Variants in NRXN3 observed in about 807,000 individuals in gnomAD.
NRXN3 encodes neurexin 3.
In NRXN3, 32 loss-of-function variants were observed where a neutral mutation model predicts 137.6. That is an observed-to-expected ratio of 0.23 (90% confidence interval 0.18 to 0.31). The LOEUF (loss-of-function observed/expected upper bound fraction) is 0.31, where lower values mean the gene tolerates loss of function less well. Ranked by LOEUF, NRXN3 falls within the 10% of genes least tolerant of loss-of-function variation. The pLI is 1.00. For synonymous variants in NRXN3, 798 were observed against 784.5 expected, an observed-to-expected ratio of 1.02 and a Z score of -0.29; for missense variants, 1,574 against 2,062.5, an observed-to-expected ratio of 0.76 and a Z score of 4.59.
intron 15 of NRXN3, among the ~76,000 whole-genome samples, chr14:79,292,005 A>G (rs1418717031): frequency 1.3e-5 from 2 of 152,124 alleles, no homozygotes; most frequent in African/African-American, 4.8e-5. Flanking sequence ...TATTGTTATC[A>G]TGAATTTACG....
intron 10 of NRXN3, among the ~76,000 whole-genome samples, chr14:78,879,567 G>C (rs895860519): frequency 6.6e-6 from 1 of 151,898 alleles, no homozygotes; most frequent in Non-Finnish European, 1.5e-5. Context: ...TTTTTAATTG[G>C]GTTATTTGTT....
At chr14:79,827,761 C>T (rs2099309703) in intron 20 of NRXN3, among the ~76,000 whole-genome samples, 1 of 148,922 alleles carries the variant, frequency 6.7e-6, no homozygotes, top group South Asian at 2.1e-4. Flanking sequence ...AAGTCGTGAT[C>T]TCGGCTCACT....
At position 79,829,030 on chromosome 14, in the gene NRXN3, A is replaced by G. The variant is rs140328088; in HGVS notation, c.4093+23840A>G. ...AACACATTCCTTCTTCCTCACCATC[A>G]CCCTCACCATTATAATTATTATCAA... is the stretch of plus-strand genomic sequence containing the variant. On this transcript the variant is annotated intron_variant, in intron 20 of 20. Coordinates refer to ENST00000335750, the MANE Select transcript of NRXN3 (RefSeq NM_001330195.2). Among the ~76,000 whole-genome samples, 1,367 of 152,160 alleles carry G rather than the reference A, an allele frequency of 9.0e-3. 19 individuals carry two copies. Among genetic ancestry groups the G allele is most frequent in the African/African-American group, 0.031 (1,298 of 41,506 alleles).
At chr14:78,349,292 C>T (rs996576074) in intron 4 of NRXN3, among the ~76,000 whole-genome samples, 1 of 152,184 alleles carries the variant, frequency 6.6e-6, no homozygotes, top group African/African-American at 2.4e-5. Flanking sequence ...GCCAATGTTA[C>T]CCCTTTTTCT....
chr14:78,287,173 T>C (rs886508096), intron 3 of NRXN3, among the ~76,000 whole-genome samples: 2 of 152,224 alleles, frequency 1.3e-5, no homozygotes, highest in Non-Finnish European at 2.9e-5. Flanking sequence ...AAAGCTTCAC[T>C]CTTCACCATA....
intron 19 of NRXN3, 96 bp downstream of exon 19, chr14:79,698,033 A>G: frequency 1.8e-6 from 2 of 1,118,058 alleles, no homozygotes; most frequent in African/African-American, 1.6e-5. Flanking sequence ...AGTTTGAATT[A>G]CTATGTAAGA....
At chr14:79,597,759 A>G (rs1486517715) in intron 16 of NRXN3, among the ~76,000 whole-genome samples, 1 of 152,118 alleles carries the variant, frequency 6.6e-6, no homozygotes, top group Non-Finnish European at 1.5e-5. Context: ...CTTTCATGGA[A>G]CTTACGTAGC....
chr14:78,454,937 C>G (rs2094649162), intron 4 of NRXN3, among the ~76,000 whole-genome samples: 1 of 152,284 alleles, frequency 6.6e-6, no homozygotes, highest in African/African-American at 2.4e-5. Context: ...TTGGATTCTG[C>G]CATAGGCTTG....
intron 16 of NRXN3, among the ~76,000 whole-genome samples, chr14:79,624,813 G>GTT (rs202129385): frequency 1.5e-5 from 2 of 136,178 alleles, no homozygotes; most frequent in Non-Finnish European, 3.1e-5. Flanking sequence ...GTTTGTTTTT[G>GTT]TTTTTTTTTA....
At position 79,139,908 on chromosome 14, in the gene NRXN3, CAT is replaced by C. The variant is rs34927047; in HGVS notation, c.3262+151784_3262+151785del. 1.6e-3 allele frequency among the ~76,000 whole-genome samples: 236 copies of C among 143,404 alleles called. 2 individuals carry two copies. Among genetic ancestry groups the C allele is most frequent in the East Asian group, 0.015 (77 of 4,972 alleles). The allele number at this position is 143,404 out of a possible 152,430, so 94.1% of individuals were successfully genotyped here. A position where few individuals can be genotyped will look rare whatever the true frequency, so the allele number is the denominator to read the frequency against. On this transcript the variant is annotated intron_variant, in intron 15 of 20. Transcript: ENST00000335750. ...ATATGGCTTATACAAATGGCATATG[CAT>C]ATATATATATATATATCATATACAT...
chr14:79,744,204 G>T (rs936498054), intron 19 of NRXN3, among the ~76,000 whole-genome samples: 2 of 152,162 alleles, frequency 1.3e-5, no homozygotes, highest in Non-Finnish European at 2.9e-5. Context: ...GCTTCAATAT[G>T]TCGTGAACAA....
At chr14:78,692,493 T>C (rs1001950971) in intron 6 of NRXN3, among the ~76,000 whole-genome samples, 17 of 152,328 alleles carry the variant, frequency 1.1e-4, no homozygotes, top group African/African-American at 3.6e-4. Context: ...ATTCCCTAGA[T>C]GGGGACTCTT....
chr14:79,480,318 G>T lies in NRXN3; in HGVS notation c.3444+12916G>T, dbSNP rs573265000. On this transcript the variant is annotated intron_variant, in intron 16 of 20. Coordinates refer to ENST00000335750, the MANE Select transcript of NRXN3 (RefSeq NM_001330195.2). ...ACTTATATCAGCAGTACTGGAGCTG[G>T]TTTTTTTGCATGGCTAAACAGCAAA... is the stretch of plus-strand genomic sequence containing the variant. 7.5e-4 allele frequency among the ~76,000 whole-genome samples: 114 copies of T among 152,206 alleles called. 5 individuals carry two copies. The South Asian group carries it at 0.022, about 30-fold the overall frequency.
rs547479048 is a variant in NRXN3, at chr14:78,899,621, CA to C, written c.2276-57620del. ...ATACCTGTCATTTTAAGCTAATATA[CA>C]TTCTTTACAGAATAAATGCAAAATG... On this transcript the variant is annotated intron_variant, in intron 10 of 20. Transcript: ENST00000335750. Among the ~76,000 whole-genome samples the C allele has an allele frequency of 4.4e-3, 670 of 152,102 alleles. 5 individuals carry two copies. Among genetic ancestry groups the C allele is most frequent in the Middle Eastern group, 0.02 (6 of 294 alleles).
intron 15 of NRXN3, among the ~76,000 whole-genome samples, chr14:79,227,774 CT>C (rs2071252896): frequency 8.1e-6 from 1 of 123,910 alleles, no homozygotes; most frequent in East Asian, 2.5e-4. Flanking sequence ...TCCTTCCTTC[CT>C]TCCTTCCTTC....
intron 16 of NRXN3, among the ~76,000 whole-genome samples, chr14:79,581,300 C>T (rs1164398557): frequency 6.6e-6 from 1 of 152,182 alleles, no homozygotes; most frequent in Non-Finnish European, 1.5e-5. Context: ...CTCATCTCCA[C>T]CTCCAGCCTC....
At chr14:79,507,409 T>C (rs61995177) in intron 16 of NRXN3, among the ~76,000 whole-genome samples, 6,672 of 152,256 alleles carry the variant, frequency 0.044, 158 homozygotes, top group Middle Eastern at 0.068. Context: ...TATTTTAAAA[T>C]AAAAGGTAGC....
At chr14:79,657,736 C>T (rs1187411183) in intron 16 of NRXN3, among the ~76,000 whole-genome samples, 1 of 152,108 alleles carries the variant, frequency 6.6e-6, no homozygotes, top group African/African-American at 2.4e-5. Flanking sequence ...TAGTCAAAGT[C>T]AAAATTGATC....
intron 20 of NRXN3, among the ~76,000 whole-genome samples, chr14:79,812,343 T>C (rs1391531672): frequency 2.6e-5 from 4 of 152,162 alleles, no homozygotes; most frequent in Non-Finnish European, 5.9e-5. Context: ...TTCAGAAATA[T>C]CGCTTCCAGA....
Sources: allele counts gnomAD v4.1 joint callset (sites outside exome capture counted in the v4.1 genomes callset), GRCh38; gene constraint gnomAD v4.1.1; transcripts MANE v1.5; gene names NCBI Gene and HGNC (gene_info 2026-07-23, HGNC 2026-07-21).